Variants in POLR3H observed in about 807,000 individuals in gnomAD.
POLR3H encodes RNA polymerase III subunit H.
In POLR3H, 17 loss-of-function variants were observed where a neutral mutation model predicts 25.5. The ratio of observed to expected loss-of-function variants is 0.67; its 90% CI spans 0.46 to 1.00. POLR3H has a LOEUF of 1.00. POLR3H is among the 50% of genes least tolerant of loss of function. The pLI, the probability that POLR3H is intolerant of heterozygous loss-of-function variation, is 0.00. For synonymous variants in POLR3H, 129 were observed against 103.0 expected (o/e 1.25, Z -1.53); for missense variants, 274 against 265.0 (o/e 1.03, Z -0.24).
At position 41,528,409 on chromosome 22, in the gene POLR3H, C is replaced by T. The variant is rs1482296516; in HGVS notation, c.*874G>A. On this transcript the variant is annotated 3_prime_UTR_variant, in exon 6 of 6. Transcript: ENST00000355209. Reference sequence around the variant, plus strand: ...GGTCCCCAGGCAGTGCCCTGTCTCCCTGACCCCCCTGCGGGGCCAAGGGCA... The same window carrying T: ...GGTCCCCAGGCAGTGCCCTGTCTCCTTGACCCCCCTGCGGGGCCAAGGGCA... 1.3e-6 allele frequency: 2 copies of T among 1,575,904 alleles called. No homozygotes were observed. Among genetic ancestry groups the T allele is most frequent in the East Asian group, 2.3e-5 (1 of 44,444 alleles).
chr22:41,528,697 T>C lies in POLR3H; in HGVS notation c.*586A>G, dbSNP rs2066658297. On this transcript the variant is annotated 3_prime_UTR_variant, in exon 6 of 6. Transcript: ENST00000355209. ...TGGATCCGATCCGTCCAGCCATGGC[T>C]TCCTATTCCAAGATGGTGTGACCAG... 20 of 1,533,962 alleles carry C rather than the reference T, an allele frequency of 1.3e-5. No individual in the cohort carries two copies. Among genetic ancestry groups the C allele is most frequent in the Non-Finnish European group, 1.7e-5 (19 of 1,141,284 alleles).
At chr22:41,538,132 ATTTTT>A (rs71184815) in intron 2 of POLR3H, among the ~76,000 whole-genome samples, 1 of 129,240 alleles carries the variant, frequency 7.7e-6, no homozygotes, top group Non-Finnish European at 1.7e-5. Context: ...CACCCAAATA[ATTTTT>A]TTTTTTTTTT....
In POLR3H at chr22:41,544,456, C is replaced by A. The variant is rs993378547; in HGVS notation, c.-355G>T. 3.8e-4 allele frequency: 67 copies of A among 178,436 alleles called. No homozygotes were observed. The highest frequency in any genetic ancestry group is 1.4e-3 in the African/African-American group (60 of 41,982). 11.1% of individuals were successfully genotyped at this position (178,436 alleles called of 1,614,324 possible). A position where few individuals can be genotyped will look rare whatever the true frequency, so the allele number is the denominator to read the frequency against. ...GCACCACGCACCGCGCACAGCCGCT[C>A]GCGCTTGCGCGACTGCGGGCGAGAT... is the stretch of plus-strand genomic sequence containing the variant. On this transcript the variant is annotated 5_prime_UTR_variant, in exon 1 of 6. Transcript: ENST00000355209.
At position 41,528,070 on chromosome 22, in the gene POLR3H, C is replaced by T. The variant is rs2066641962; in HGVS notation, c.*1213G>A. Reference sequence around the variant, plus strand: ...AGGTGGTGGGGTGAGGGGCAGCCACCTTGTTTCCCCTCCTGCACTGGCCCC... The same window carrying T: ...AGGTGGTGGGGTGAGGGGCAGCCACTTTGTTTCCCCTCCTGCACTGGCCCC... On this transcript the variant is annotated 3_prime_UTR_variant, in exon 6 of 6. Transcript: ENST00000355209. 1.2e-6 allele frequency: 2 copies of T among 1,612,578 alleles called. No homozygotes were observed. The highest frequency in any genetic ancestry group is 8.5e-7 in the Non-Finnish European group (1 of 1,179,646).
chr22:41,528,388 C>T lies in POLR3H; in HGVS notation c.*895G>A, dbSNP rs574821323. ...GGTTTGCCTGCTGACCTCTTAGGTCCCCAGGCAGTGCCCTGTCTCCCTGAC... is the reference window on the plus strand; with the variant it reads ...GGTTTGCCTGCTGACCTCTTAGGTCTCCAGGCAGTGCCCTGTCTCCCTGAC... On this transcript the variant is annotated 3_prime_UTR_variant, in exon 6 of 6. Transcript: ENST00000355209. The T allele has an allele frequency of 2.3e-5, 36 of 1,532,908 alleles. No individual in the cohort carries two copies. In the Admixed American group the frequency reaches 5.3e-4, roughly 22 times the overall value. 95.0% of individuals were successfully genotyped at this position (1,532,908 alleles called of 1,614,324 possible). A position where few individuals can be genotyped will look rare whatever the true frequency, so the allele number is the denominator to read the frequency against.
chr22:41,539,745 G>T, intron 2 of POLR3H: 1 of 152,758 alleles, frequency 6.5e-6, no homozygotes, highest in East Asian at 1.9e-4. Flanking sequence ...TGAAAGATGA[G>T]ACCATGTGGG....
Position 41,527,049 on chromosome 22 carries a change from T to C in POLR3H, c.*2234A>G. 1.7e-6 allele frequency: 1 copy of C among 596,754 alleles called. No individual in the cohort carries two copies. The highest frequency in any genetic ancestry group is 2.9e-5 in the East Asian group (1 of 34,636). The allele number at this position is 596,754 out of a possible 1,614,324, so 37.0% of individuals were successfully genotyped here. The stretch of plus-strand genomic sequence containing the variant: ...CTGCCAAGCACCAATGGGTGGCTTC[T>C]GTCTTCTTTGCCACTGCAAACAACC... On this transcript the variant is annotated 3_prime_UTR_variant, in exon 6 of 6. Coordinates refer to ENST00000355209, the MANE Select transcript of POLR3H (RefSeq NM_001018050.4).
At chr22:41,534,830 G>A (rs573033405) in intron 2 of POLR3H, among the ~76,000 whole-genome samples, 1 of 151,052 alleles carries the variant, frequency 6.6e-6, no homozygotes, top group Non-Finnish European at 1.5e-5. Flanking sequence ...GGAGGCAGAG[G>A]TTACAGTGAG....
chr22:41,526,556 C>T lies in POLR3H; in HGVS notation c.*2727G>A, dbSNP rs897922570. 55 of 1,327,372 alleles carry T rather than the reference C, an allele frequency of 4.1e-5. No individual in the cohort carries two copies. Among genetic ancestry groups the T allele is most frequent in the African/African-American group, 7.3e-5 (5 of 68,244 alleles). 82.2% of individuals were successfully genotyped at this position (1,327,372 alleles called of 1,614,324 possible). On this transcript the variant is annotated 3_prime_UTR_variant, in exon 6 of 6. Coordinates refer to ENST00000355209, the MANE Select transcript of POLR3H (RefSeq NM_001018050.4). Reference sequence around the variant, plus strand: ...GGGGAGTGGAAACTGGGAAGGAGGCCGACCAAGCCCAAAGGGGACTGCTGT... The same window carrying T: ...GGGGAGTGGAAACTGGGAAGGAGGCTGACCAAGCCCAAAGGGGACTGCTGT...
Position 41,530,808 on chromosome 22 carries a change from T to A in POLR3H, c.440A>T (p.Glu147Val), listed in dbSNP as rs2066714101. ...CTCGTCCACCACCCGGAAGCGGATC[T>A]CCTCGCCGGTGTCCATGTAGAGGTC... ...AHDLYMDTGEEIRFRVVDESF... is the reference protein window; with the variant it reads ...AHDLYMDTGEVIRFRVVDESF... The change falls in exon 5 of 6, where the codon GAG (glutamate) becomes GTG (valine). Residue 147 changes from glutamate (E) to valine (V), a missense_variant. By Grantham distance (121) the Glu-to-Val change is moderately radical. Coordinates refer to ENST00000355209, the MANE Select transcript of POLR3H (RefSeq NM_001018050.4). The A allele has an allele frequency of 6.2e-7, 1 of 1,613,990 alleles. No individual in the cohort carries two copies. Among genetic ancestry groups the A allele is most frequent in the Non-Finnish European group, 8.5e-7 (1 of 1,180,032 alleles).
chr22:41,534,813 G>C (rs923240163), intron 2 of POLR3H, among the ~76,000 whole-genome samples: 2 of 150,944 alleles, frequency 1.3e-5, no homozygotes, highest in African/African-American at 4.9e-5. Flanking sequence ...AGAATTGCTT[G>C]AAACCAGGAG....
At chr22:41,543,545 C>T (rs2066965927) in intron 1 of POLR3H, among the ~76,000 whole-genome samples, 1 of 151,860 alleles carries the variant, frequency 6.6e-6, no homozygotes, top group Admixed American at 6.6e-5. Context: ...CGCTTGAACC[C>T]GGGAGGCGGA....
chr22:41,534,911 A>G (rs1003513920), intron 2 of POLR3H, among the ~76,000 whole-genome samples: 8 of 142,028 alleles, frequency 5.6e-5, no homozygotes, highest in Admixed American at 5.6e-4. Flanking sequence ...AAAAAAAAAA[A>G]AATTGTGGAA....
chr22:41,527,357 G>T lies in POLR3H; in HGVS notation c.*1926C>A. On this transcript the variant is annotated 3_prime_UTR_variant, in exon 6 of 6. Coordinates refer to ENST00000355209, the MANE Select transcript of POLR3H (RefSeq NM_001018050.4). ...CGAGGGCTCGAGCCGGGAGCATGCAGCTCTGGAGCCTCGCCACCTTGGGGG... is the reference window on the plus strand; with the variant it reads ...CGAGGGCTCGAGCCGGGAGCATGCATCTCTGGAGCCTCGCCACCTTGGGGG... 6.2e-7 allele frequency: 1 copy of T among 1,614,120 alleles called. No individual in the cohort carries two copies. The highest frequency in any genetic ancestry group is 1.3e-5 in the African/African-American group (1 of 75,060).
intron 4 of POLR3H, among the ~76,000 whole-genome samples, chr22:41,531,823 A>T (rs2145543902): frequency 6.6e-6 from 1 of 152,350 alleles, no homozygotes; most frequent in South Asian, 2.1e-4. Context: ...GGTGTCCCCC[A>T]GGACACCACA....
Position 41,527,254 on chromosome 22 carries a change from C to T in POLR3H, c.*2029G>A. On this transcript the variant is annotated 3_prime_UTR_variant, in exon 6 of 6. Coordinates refer to ENST00000355209, the MANE Select transcript of POLR3H (RefSeq NM_001018050.4). Reference sequence around the variant, plus strand: ...AGACAGGTGAGGACGGTGCCCTCCTCTGCCTTATAACCTTACCCCCGCTTG... The same window carrying T: ...AGACAGGTGAGGACGGTGCCCTCCTTTGCCTTATAACCTTACCCCCGCTTG... 6.2e-7 allele frequency: 1 copy of T among 1,613,760 alleles called. No individual in the cohort carries two copies.
chr22:41,531,740 A>G (rs755433866), intron 4 of POLR3H, among the ~76,000 whole-genome samples: 4 of 152,238 alleles, frequency 2.6e-5, no homozygotes, highest in Non-Finnish European at 5.9e-5. Flanking sequence ...GGACCAGTGC[A>G]TGCCTCCAGG....
chr22:41,527,476 A>C lies in POLR3H; in HGVS notation c.*1807T>G. 6.4e-7 allele frequency: 1 copy of C among 1,553,508 alleles called. No individual in the cohort carries two copies. The highest frequency in any genetic ancestry group is 1.2e-5 in the South Asian group (1 of 82,548). ...CATCCCATCCCTAGTGATCAAGGTCACTCTCCCTGCCCGTGGCTGAGTTGG... is the reference window on the plus strand; with the variant it reads ...CATCCCATCCCTAGTGATCAAGGTCCCTCTCCCTGCCCGTGGCTGAGTTGG... On this transcript the variant is annotated 3_prime_UTR_variant, in exon 6 of 6. Coordinates refer to ENST00000355209, the MANE Select transcript of POLR3H (RefSeq NM_001018050.4).
chr22:41,541,885 T>C (rs992998571), intron 1 of POLR3H, among the ~76,000 whole-genome samples: 47 of 152,188 alleles, frequency 3.1e-4, no homozygotes, highest in Non-Finnish European at 1.8e-4. Flanking sequence ...ACCTGTCTCA[T>C]GCGTAAAGCC....
Sources: gnomAD v4.1 joint callset for allele counts (sites outside exome capture counted in the v4.1 genomes callset) on GRCh38, gnomAD v4.1.1 for gene constraint, MANE v1.5 for transcripts, NCBI Gene and HGNC (gene_info 2026-07-23, HGNC 2026-07-21) for gene names.